The following ARFGEF2 variants were observed in gnomAD, a reference collection of about 807,000 sequenced individuals.
ARFGEF2 encodes the protein ARF guanine nucleotide exchange factor 2, also known as brefeldin A-inhibited guanine nucleotide-exchange protein 2.
A neutral mutation model predicts 219.9 loss-of-function variants in ARFGEF2; 74 were observed. The ratio of observed to expected loss-of-function variants is 0.34; its 90% CI spans 0.28 to 0.41. The LOEUF (loss-of-function observed/expected upper bound fraction) is 0.41. ARFGEF2 is among the 10% of genes least tolerant of loss of function. The probability of loss-of-function intolerance (pLI) is 1.00; values close to 1 mark genes in which losing one functional copy is unlikely to be tolerated. For synonymous variants in ARFGEF2, 733 were observed against 799.2 expected, an observed-to-expected ratio of 0.92 and a Z score of 1.40; for missense variants, 1,743 against 2,218.3, an observed-to-expected ratio of 0.79 and a Z score of 4.30.
At chr20:48,977,503 C>T (rs1049922412) in intron 14 of ARFGEF2, among the ~76,000 whole-genome samples, 2 of 152,116 alleles carry the variant, frequency 1.3e-5, no homozygotes, top group Non-Finnish European at 2.9e-5. Flanking sequence ...GTAATGGGAT[C>T]GCTGAGTCAA....
At chr20:48,987,311 TC>T (rs1177741831) in intron 16 of ARFGEF2, among the ~76,000 whole-genome samples, 6 of 152,222 alleles carry the variant, frequency 3.9e-5, no homozygotes, top group Admixed American at 3.3e-4. Context: ...TTTCTACTGT[TC>T]CTGTTATGGA....
At chr20:48,977,151 C>A (rs938988173) in intron 14 of ARFGEF2, among the ~76,000 whole-genome samples, 3 of 151,684 alleles carry the variant, frequency 2.0e-5, no homozygotes, top group African/African-American at 7.3e-5. Context: ...TAGCAGGCCC[C>A]CCTGTGTGTG....
intron 20 of ARFGEF2, among the ~76,000 whole-genome samples, chr20:48,990,447 C>T (rs866163578): frequency 1.3e-5 from 2 of 152,146 alleles, no homozygotes; most frequent in Non-Finnish European, 1.5e-5. Flanking sequence ...GAAACTGTTA[C>T]GAAATTAGGA....
chr20:48,972,397 C>T lies in ARFGEF2; in HGVS notation c.1497C>T (p.Val499=), dbSNP rs745336226. The change falls in exon 11 of 39, where the codon GTC becomes GTT. Residue 499 remains valine (V), a synonymous_variant. Transcript: ENST00000371917. ...STSSFEHRWM[V]IQTLTRICAD... is the part of the protein sequence containing the mutation. ...GTTCTTTTGAGCACAGGTGGATGGT[C>T]ATTCAGACTCTGACGAGGATCTGTG... 1.9e-6 allele frequency: 3 copies of T among 1,613,970 alleles called. No individual in the cohort carries two copies. Among genetic ancestry groups the T allele is most frequent in the Middle Eastern group, 1.6e-4 (1 of 6,062 alleles).
intron 3 of ARFGEF2, 152 bp downstream of exon 3, chr20:48,942,139 A>G: frequency 8.8e-7 from 1 of 1,134,594 alleles, no homozygotes; most frequent in Non-Finnish European, 1.3e-6. Flanking sequence ...TGGAGATCTC[A>G]TGAGGGAGGG....
chr20:49,024,473 G>T (rs1283016673), intron 35 of ARFGEF2, among the ~76,000 whole-genome samples: 1 of 152,152 alleles, frequency 6.6e-6, no homozygotes, highest in Non-Finnish European at 1.5e-5. Context: ...CAGCTTTAGC[G>T]CCCGATTACC....
At chr20:48,931,198 GATGTGGATGTTAAA>G (rs1286917675) in intron 1 of ARFGEF2, among the ~76,000 whole-genome samples, 1 of 152,248 alleles carries the variant, frequency 6.6e-6, no homozygotes, top group Non-Finnish European at 1.5e-5. Flanking sequence ...GGAGGAGGGA[GATGTGGATGTTAAA>G]AGTATTTTGT....
intron 37 of ARFGEF2, 25 bp downstream of exon 37, chr20:49,028,693 A>T (rs1239882666): frequency 1.9e-6 from 3 of 1,608,922 alleles, no homozygotes; most frequent in Non-Finnish European, 2.6e-6. Flanking sequence ...TTCTGATTAG[A>T]TTTCTATCTG....
intron 30 of ARFGEF2, among the ~76,000 whole-genome samples, chr20:49,015,681 A>G (rs2091525444): frequency 1.3e-5 from 2 of 152,226 alleles, no homozygotes; most frequent in African/African-American, 2.4e-5. Context: ...CACTTCTGTC[A>G]GCAATGCATG....
chr20:49,007,718 G>A (rs1022208800), intron 26 of ARFGEF2, among the ~76,000 whole-genome samples: 14 of 150,764 alleles, frequency 9.3e-5, no homozygotes, highest in Non-Finnish European at 2.9e-5. Flanking sequence ...CTTTCTCCTA[G>A]TGTCTGTATG....
intron 26 of ARFGEF2, 112 bp downstream of exon 26, chr20:49,005,333 A>G: frequency 7.9e-7 from 1 of 1,267,478 alleles, no homozygotes; most frequent in East Asian, 2.3e-5. Flanking sequence ...CAGTGGAAAC[A>G]AATAGAATGA....
intron 18 of ARFGEF2, 39 bp from the exon 19 acceptor site, chr20:48,989,246 G>C (rs767123182): frequency 2.4e-5 from 38 of 1,612,666 alleles, no homozygotes; most frequent in Non-Finnish European, 3.1e-5. Flanking sequence ...CCAGCCCTCA[G>C]TGACTGCTAG....
intron 7 of ARFGEF2, among the ~76,000 whole-genome samples, chr20:48,964,445 C>A (rs898404943): frequency 6.6e-6 from 1 of 152,182 alleles, no homozygotes; most frequent in Non-Finnish European, 1.5e-5. Flanking sequence ...GGCTTAGATG[C>A]TCCACATAGA....
In ARFGEF2 at chr20:48,934,416, A is replaced by G. The variant is rs180679015; in HGVS notation, c.122-6783A>G. Among the ~76,000 whole-genome samples the G allele has an allele frequency of 5.8e-3, 881 of 152,250 alleles. 2 individuals carry two copies. Among genetic ancestry groups the G allele is most frequent in the Non-Finnish European group, 9.9e-3 (672 of 68,018 alleles). On this transcript the variant is annotated intron_variant, in intron 1 of 38. Coordinates refer to ENST00000371917, the MANE Select transcript of ARFGEF2 (RefSeq NM_006420.3). ...TTTGTTACATAGGTGTACGTGTGCC[A>G]TGGTGGTTTGCTGCACCCATCAACC...
At chr20:49,015,655 T>C (rs1260330169) in intron 30 of ARFGEF2, among the ~76,000 whole-genome samples, 1 of 152,220 alleles carries the variant, frequency 6.6e-6, no homozygotes, top group Non-Finnish European at 1.5e-5. Flanking sequence ...CCTGCAGATA[T>C]CTCTGTAGCC....
At chr20:49,027,149 A>G (rs959241971) in intron 36 of ARFGEF2, among the ~76,000 whole-genome samples, 5 of 150,654 alleles carry the variant, frequency 3.3e-5, no homozygotes, top group African/African-American at 1.2e-4. Flanking sequence ...CAGTGGCGTG[A>G]TCTTGGCTCA....
At chr20:48,935,222 T>C (rs2090940292) in intron 1 of ARFGEF2, among the ~76,000 whole-genome samples, 1 of 152,210 alleles carries the variant, frequency 6.6e-6, no homozygotes, top group Non-Finnish European at 1.5e-5. Flanking sequence ...CTGGTTTTCC[T>C]AGGCAGAGGA....
intron 1 of ARFGEF2, among the ~76,000 whole-genome samples, chr20:48,940,396 A>G (rs944234174): frequency 6.6e-6 from 1 of 152,240 alleles, no homozygotes; most frequent in African/African-American, 2.4e-5. Context: ...TATCATAGAA[A>G]ATGTGAAAAA....
At chr20:49,022,976 T>C (rs1000381119) in intron 34 of ARFGEF2, 75 bp from the exon 35 acceptor site, 5 of 1,586,600 alleles carry the variant, frequency 3.2e-6, no homozygotes, top group Non-Finnish European at 3.5e-6. Flanking sequence ...GCCTTGCACA[T>C]AGTAGGAGCT....
Sources: allele counts gnomAD v4.1 joint callset (sites outside exome capture counted in the v4.1 genomes callset), GRCh38; gene constraint gnomAD v4.1.1; transcripts MANE v1.5; gene names NCBI Gene and HGNC (gene_info 2026-07-23, HGNC 2026-07-21).